The following KDELR3 variants were observed in gnomAD, a reference collection of about 807,000 sequenced individuals.
KDELR3 encodes KDEL endoplasmic reticulum protein retention receptor 3.
KDELR3 carries 26 observed loss-of-function variants against 22.7 expected under a neutral mutation model. The observed-to-expected ratio is 1.15, with a 90% CI of 0.84 to 1.59. KDELR3 has a LOEUF of 1.59. KDELR3 is among the 40% of genes most tolerant of loss of function. The probability of loss-of-function intolerance (pLI) is 0.00; values close to 1 mark genes in which losing one functional copy is unlikely to be tolerated. For synonymous variants in KDELR3, 120 were observed against 98.2 expected (o/e 1.22, Z -1.31); for missense variants, 289 against 251.1 (o/e 1.15, Z -1.02).
intron 1 of KDELR3, among the ~76,000 whole-genome samples, chr22:38,470,486 G>T (rs76021979): frequency 0.054 from 8,206 of 152,220 alleles, 250 homozygotes; most frequent in Non-Finnish European, 0.064. Context: ...GCCATAGTGA[G>T]TACTATGGGA....
chr22:38,468,421 G>A (rs1212868491), intron 1 of KDELR3, 97 bp downstream of exon 1: 2 of 980,328 alleles, frequency 2.0e-6, no homozygotes, highest in Non-Finnish European at 3.2e-6. Flanking sequence ...TGCTCAGGGT[G>A]GGGACTCCGG....
Position 38,469,000 on chromosome 22 carries a change from G to C in KDELR3, c.91+676G>C, listed in dbSNP as rs138594685. Among the ~76,000 whole-genome samples, 11 of 152,358 alleles carry C rather than the reference G, an allele frequency of 7.2e-5. No individual in the cohort carries two copies. The East Asian group carries it at 2.1e-3, about 29-fold the overall frequency. On this transcript the variant is annotated intron_variant, in intron 1 of 4. Transcript: ENST00000216014. ...GCCAGAGCCTCCTCCAGCCATCTTT[G>C]TCCACCGGCATCCTCGTGGTGCCCT...
At position 38,479,590 on chromosome 22, in the gene KDELR3, T is replaced by C. The variant is rs1197874658; in HGVS notation, c.193-3T>C. On this transcript the variant is annotated splice_polypyrimidine_tract_variant and splice_region_variant and intron_variant, in intron 2 of 4. Coordinates refer to ENST00000216014, the MANE Select transcript of KDELR3 (RefSeq NM_006855.4). ...CGATTCCCATGTCTCTCTCCCCTTT[T>C]AGGTGGTTTTTCTCCTCTGTGCCTA... 10 of 1,611,444 alleles carry C rather than the reference T, an allele frequency of 6.2e-6. No individual in the cohort carries two copies. Among genetic ancestry groups the C allele is most frequent in the Non-Finnish European group, 8.5e-6 (10 of 1,177,722 alleles).
chr22:38,477,451 C>G (rs1212948483), intron 2 of KDELR3, among the ~76,000 whole-genome samples: 2 of 152,184 alleles, frequency 1.3e-5, no homozygotes, highest in Non-Finnish European at 2.9e-5. Context: ...GATCCACCCT[C>G]CTCGGCCTCC....
chr22:38,482,382 C>CGAACA, intron 4 of KDELR3, 114 bp from the exon 5 acceptor site: 1 of 858,544 alleles, frequency 1.2e-6, no homozygotes, highest in East Asian at 2.6e-5. Flanking sequence ...CTTTAACAAT[C>CGAACA]GAACATATAC....
rs763581658 is a variant in KDELR3, at chr22:38,479,766, T to C, written c.351+15T>C. The C allele has an allele frequency of 3.7e-6, 6 of 1,613,148 alleles. No individual in the cohort carries two copies. On this transcript the variant is annotated intron_variant, in intron 3 of 4. Transcript: ENST00000216014. ...CTCTGCTGGAGGTAAGGGAATGGAC[T>C]GAGTACCAGTTCTCAAAGGGAAATA... is the stretch of plus-strand genomic sequence containing the variant.
At chr22:38,476,191 C>T (rs1012548326) in intron 2 of KDELR3, among the ~76,000 whole-genome samples, 2 of 151,838 alleles carry the variant, frequency 1.3e-5, no homozygotes, top group African/African-American at 2.4e-5. Flanking sequence ...GTCAGTCTCC[C>T]GAAGTTCTGG....
intron 4 of KDELR3, among the ~76,000 whole-genome samples, chr22:38,481,926 A>G (rs2089605774): frequency 6.6e-6 from 1 of 152,218 alleles, no homozygotes; most frequent in South Asian, 2.1e-4. Context: ...CTTATGAGCA[A>G]AAACAAACAA....
chr22:38,476,090 T>C (rs933292933), intron 2 of KDELR3, among the ~76,000 whole-genome samples: 7 of 150,332 alleles, frequency 4.7e-5, no homozygotes, highest in Non-Finnish European at 7.4e-5. Flanking sequence ...CCACCATGCC[T>C]GGCTAATTTT....
At chr22:38,481,817 A>G (rs1357551062) in intron 4 of KDELR3, among the ~76,000 whole-genome samples, 1 of 152,234 alleles carries the variant, frequency 6.6e-6, no homozygotes, top group African/African-American at 2.4e-5. Context: ...AGATGAGTCA[A>G]CCAAGACCAG....
intron 2 of KDELR3, 66 bp from the exon 3 acceptor site, chr22:38,479,527 G>A (rs770463354): frequency 2.8e-5 from 40 of 1,448,362 alleles, no homozygotes; most frequent in Non-Finnish European, 3.8e-5. Flanking sequence ...GGTAGGCTAG[G>A]AGCGTAGTAA....
At chr22:38,474,647 TG>T in intron 2 of KDELR3, 24 bp downstream of exon 2, 2 of 1,582,546 alleles carry the variant, frequency 1.3e-6, no homozygotes, top group Non-Finnish European at 8.7e-7. Context: ...TGATGATGGT[TG>T]GGGGAAGCCA....
chr22:38,475,344 G>A (rs1031050994), intron 2 of KDELR3, among the ~76,000 whole-genome samples: 6 of 152,016 alleles, frequency 3.9e-5, no homozygotes, highest in African/African-American at 1.4e-4. Context: ...TGGGCGTAGT[G>A]GTGCTCATCT....
At chr22:38,470,863 G>T (rs2145962259) in intron 1 of KDELR3, among the ~76,000 whole-genome samples, 1 of 152,252 alleles carries the variant, frequency 6.6e-6, no homozygotes, top group East Asian at 1.9e-4. Flanking sequence ...TCACCGGGGG[G>T]CTGGGCACAG....
At position 38,482,517 on chromosome 22, in the gene KDELR3, G is replaced by A; in HGVS notation, c.626G>A (p.Ser209Asn). ...VTKVLKGKKLSLPMPI is the reference protein window; with the variant it reads ...VTKVLKGKKLNLPMPI ...CCAGTCCTTAAGGGAAAGAAGTTAAGTCTTCCAATGCCAATCTGAGGACCT... is the reference window on the plus strand; with the variant it reads ...CCAGTCCTTAAGGGAAAGAAGTTAAATCTTCCAATGCCAATCTGAGGACCT... The change falls in exon 5 of 5, where the codon AGT becomes AAT. Residue 209 changes from serine (S) to asparagine (N), a missense_variant. Physicochemically the swap from Ser to Asn is conservative, Grantham distance 46 (BLOSUM62 1). Coordinates refer to ENST00000216014, the MANE Select transcript of KDELR3 (RefSeq NM_006855.4). 2 of 1,612,996 alleles carry A rather than the reference G, an allele frequency of 1.2e-6. No individual in the cohort carries two copies. Among genetic ancestry groups the A allele is most frequent in the Non-Finnish European group, 1.7e-6 (2 of 1,178,980 alleles).
intron 2 of KDELR3, among the ~76,000 whole-genome samples, chr22:38,476,507 T>C (rs1447700180): frequency 4.0e-5 from 6 of 150,390 alleles, no homozygotes; most frequent in Admixed American, 4.0e-4. Context: ...TGTGAGCCAT[T>C]GCGCCCGGCC....
intron 2 of KDELR3, among the ~76,000 whole-genome samples, chr22:38,475,021 A>G (rs1249917970): frequency 2.2e-5 from 3 of 138,658 alleles, no homozygotes; most frequent in Admixed American, 1.5e-4. Context: ...CGGAGGTTGC[A>G]GTGAGCCGAG....
In KDELR3 at chr22:38,482,532, T is replaced by C. The variant is rs909635795; in HGVS notation, c.641T>C (p.Ile214Thr). 2.5e-6 allele frequency: 4 copies of C among 1,612,118 alleles called. No homozygotes were observed. Among genetic ancestry groups the C allele is most frequent in the East Asian group, 4.5e-5 (2 of 44,886 alleles). Residue 214 changes from isoleucine to threonine, a missense_variant, in exon 5 of 5, where the codon ATC becomes ACC. Physicochemically the swap from Ile to Thr is moderately conservative, Grantham distance 89. Coordinates refer to ENST00000216014, the MANE Select transcript of KDELR3 (RefSeq NM_006855.4). ...KGKKLSLPMP[I>T] ...AAGAAGTTAAGTCTTCCAATGCCAA[T>C]CTGAGGACCTTCAGAGACAGTCTAC... is the stretch of plus-strand genomic sequence containing the variant.
At position 38,482,633 on chromosome 22, in the gene KDELR3, TAAAACCAGAAAAGTG is replaced by T; in HGVS notation, c.*98_*112del. ...TTATCCATAATTTGGGATCAAATGT[TAAAACCAGAAAAGTG>T]TTTAGTGTGGATTTCAGCAAAACCT... On this transcript the variant is annotated 3_prime_UTR_variant, in exon 5 of 5. Transcript: ENST00000216014. 1.1e-5 allele frequency: 13 copies of T among 1,144,504 alleles called. No homozygotes were observed. Among genetic ancestry groups the T allele is most frequent in the Non-Finnish European group, 1.6e-5 (12 of 765,408 alleles). The allele number at this position is 1,144,504 out of a possible 1,614,324, so 70.9% of individuals were successfully genotyped here.
Sources: gnomAD v4.1 joint callset for allele counts (sites outside exome capture counted in the v4.1 genomes callset) on GRCh38, gnomAD v4.1.1 for gene constraint, MANE v1.5 for transcripts, NCBI Gene and HGNC (gene_info 2026-07-23, HGNC 2026-07-21) for gene names.